The following EML5 variants were observed in gnomAD, a reference collection of about 807,000 sequenced individuals.
The protein encoded by EML5 is EMAP like 5.
EML5 carries 120 observed loss-of-function variants against 250.0 expected under a neutral mutation model. That is an observed-to-expected ratio of 0.48 (90% CI 0.41 to 0.56). The LOEUF (loss-of-function observed/expected upper bound fraction) is 0.56. Among genes scored for constraint, EML5 ranks in the 20% least tolerant of loss-of-function variants. EML5 has a pLI of 0.00. For synonymous variants in EML5, 771 were observed against 806.5 expected (o/e 0.96, Z 0.75); for missense variants, 2,006 against 2,437.6 (o/e 0.82, Z 3.73).
chr14:88,634,733 CTT>C (rs1206789100), intron 32 of EML5, among the ~76,000 whole-genome samples: 1 of 151,954 alleles, frequency 6.6e-6, no homozygotes, highest in African/African-American at 2.4e-5. Context: ...GTTACATAAA[CTT>C]TTAATTATAA....
intron 1 of EML5, among the ~76,000 whole-genome samples, chr14:88,779,807 G>T (rs1339525585): frequency 6.6e-6 from 1 of 152,188 alleles, no homozygotes; most frequent in Non-Finnish European, 1.5e-5. Flanking sequence ...TAAACTTTCA[G>T]TGGATAGAAC....
chr14:88,759,645 C>T (rs760352512), intron 1 of EML5, among the ~76,000 whole-genome samples: 3 of 137,470 alleles, frequency 2.2e-5, no homozygotes, highest in African/African-American at 8.5e-5. Context: ...GATCATGCCA[C>T]TATACTCCAG....
At chr14:88,732,835 C>T (rs537213295) in intron 7 of EML5, among the ~76,000 whole-genome samples, 17 of 152,242 alleles carry the variant, frequency 1.1e-4, no homozygotes, top group South Asian at 8.3e-4. Flanking sequence ...TCTTTTGAGA[C>T]GGAGTCTGGC....
intron 15 of EML5, 52 bp downstream of exon 15, chr14:88,696,795 T>C (rs1386260364): frequency 1.6e-6 from 2 of 1,275,400 alleles, no homozygotes; most frequent in African/African-American, 3.0e-5. Context: ...TAAAATGCTA[T>C]GTGTTGCCTC....
chr14:88,616,654 G>C, intron 42 of EML5, 72 bp downstream of exon 42: 1 of 1,366,752 alleles, frequency 7.3e-7, no homozygotes, highest in Non-Finnish European at 9.8e-7. Flanking sequence ...TTAAATATAT[G>C]GGGAAAAGTG....
intron 41 of EML5, chr14:88,617,339 G>C (rs1330731927): frequency 6.5e-6 from 1 of 153,536 alleles, no homozygotes; most frequent in Non-Finnish European, 1.4e-5. Flanking sequence ...TAGAGACAGG[G>C]TTTCTCCATG....
intron 1 of EML5, among the ~76,000 whole-genome samples, chr14:88,778,021 T>G (rs1226243117): frequency 2.6e-5 from 4 of 152,234 alleles, no homozygotes. Flanking sequence ...AGTTAGGGCA[T>G]AGAGTTTTTG....
intron 37 of EML5, chr14:88,621,699 A>G (rs910789601): frequency 1.1e-5 from 3 of 285,000 alleles, no homozygotes; most frequent in African/African-American, 6.6e-5. Context: ...CAGGCTGAAG[A>G]TAATATCCGT....
chr14:88,691,762 G>T (rs1566642821), intron 17 of EML5, among the ~76,000 whole-genome samples: 1 of 152,092 alleles, frequency 6.6e-6, no homozygotes, highest in East Asian at 1.9e-4. Flanking sequence ...TAAGTAAGTG[G>T]ATACTTATTT....
intron 8 of EML5, among the ~76,000 whole-genome samples, chr14:88,719,285 C>T (rs981457296): frequency 3.8e-4 from 57 of 151,762 alleles, no homozygotes; most frequent in Non-Finnish European, 7.9e-4. Flanking sequence ...ACTTGGAAGA[C>T]TGAGATGGGA....
chr14:88,728,030 A>G (rs1189466140), intron 7 of EML5, among the ~76,000 whole-genome samples: 1 of 152,210 alleles, frequency 6.6e-6, no homozygotes, highest in African/African-American at 2.4e-5. Context: ...TAAAATCAAA[A>G]CTTGTGAAAT....
At chr14:88,770,609 G>GCA (rs2094381661) in intron 1 of EML5, among the ~76,000 whole-genome samples, 1 of 152,116 alleles carries the variant, frequency 6.6e-6, no homozygotes, top group Non-Finnish European at 1.5e-5. Context: ...TGGACAGTTG[G>GCA]AATCTGAAGA....
chr14:88,671,677 T>C (rs1014153596), intron 21 of EML5, among the ~76,000 whole-genome samples: 1 of 152,096 alleles, frequency 6.6e-6, no homozygotes, highest in Non-Finnish European at 1.5e-5. Context: ...TAAAGACACA[T>C]ACAGGCTCAA....
In EML5 at chr14:88,746,266, T is replaced by C; in HGVS notation, c.375A>G (p.Gly125=). The C allele has an allele frequency of 6.2e-7, 1 of 1,613,212 alleles. No homozygotes were observed. Among genetic ancestry groups the C allele is most frequent in the Non-Finnish European group, 8.5e-7 (1 of 1,179,508 alleles). The change falls in exon 3 of 44, where the codon GGA becomes GGG. Residue 125 remains glycine (G), a synonymous_variant. Transcript: ENST00000554922. Reference sequence around the variant, plus strand: ...CACAAACTGCATTCTTTGAATCAAGTCCAACTGAAACCAAGCGCTGATTTA... The same window carrying C: ...CACAAACTGCATTCTTTGAATCAAGCCCAACTGAAACCAAGCGCTGATTTA... The part of the protein sequence containing the change: ...DLDGQRLVSV[G]LDSKNAVCVW...
chr14:88,679,471 C>G (rs2092670841), intron 21 of EML5, among the ~76,000 whole-genome samples: 1 of 152,038 alleles, frequency 6.6e-6, no homozygotes, highest in Non-Finnish European at 1.5e-5. Context: ...GTGGGCGGAT[C>G]ACTTGAGGTC....
In EML5 at chr14:88,665,384, G is replaced by A; in HGVS notation, c.3230C>T (p.Ser1077Phe). 6.2e-7 allele frequency: 1 copy of A among 1,613,792 alleles called. No homozygotes were observed. Among genetic ancestry groups the A allele is most frequent in the Non-Finnish European group, 8.5e-7 (1 of 1,179,802 alleles). ...ANADTLEDLV[S>F]FHHRKDMISD... ...AATCATATCTTTTCTGTGATGAAAA[G>A]ACACAAGATCCTCTAGAGTATCCGC... Residue 1077 changes from serine (S) to phenylalanine (F), a missense_variant, in exon 22 of 44, where the codon TCT becomes TTT. Physicochemically the swap from Ser to Phe is radical, Grantham distance 155. Around this residue, in one of 7 missense-constraint regions of EML5, gnomAD observed 1,375 missense variants for 1,590.3 expected, o/e 0.86. Transcript: ENST00000554922.
intron 1 of EML5, among the ~76,000 whole-genome samples, chr14:88,767,405 C>T (rs2094334988): frequency 6.6e-6 from 1 of 152,190 alleles, no homozygotes; most frequent in East Asian, 1.9e-4. Context: ...CAATTTTCCC[C>T]ATAATTTCCA....
intron 8 of EML5, among the ~76,000 whole-genome samples, chr14:88,715,497 A>C (rs779082900): frequency 2.6e-5 from 4 of 152,150 alleles, no homozygotes; most frequent in Non-Finnish European, 5.9e-5. Flanking sequence ...AAAGTAATAG[A>C]TTTTTATGGT....
chr14:88,695,493 C>G (rs2093056557), intron 15 of EML5, 39 bp from the exon 16 acceptor site: 1 of 1,536,058 alleles, frequency 6.5e-7, no homozygotes, highest in South Asian at 1.2e-5. Flanking sequence ...TGACTATTAA[C>G]ATTCAGAAGA....
Sources: allele counts gnomAD v4.1 joint callset (sites outside exome capture counted in the v4.1 genomes callset), GRCh38; gene constraint gnomAD v4.1.1; regional missense constraint gnomAD v4.1.1; transcripts MANE v1.5; gene names NCBI Gene and HGNC (gene_info 2026-07-23, HGNC 2026-07-21).